The following RAPGEF4 variants were observed in gnomAD, a reference collection of about 807,000 sequenced individuals.
RAPGEF4 encodes the protein Rap guanine nucleotide exchange factor 4, also known as RAP guanine-nucleotide-exchange factor (GEF) 4.
A neutral mutation model predicts 147.9 loss-of-function variants in RAPGEF4; 66 were observed. That is an observed-to-expected ratio of 0.45 (90% confidence interval 0.37 to 0.55). RAPGEF4 has a LOEUF of 0.55. Among genes scored for constraint, RAPGEF4 ranks in the 20% least tolerant of loss-of-function variants. The pLI, the probability that RAPGEF4 is intolerant of heterozygous loss-of-function variation, is 0.00. For missense variants in RAPGEF4, 1,071 were observed against 1,257.3 expected, an observed-to-expected ratio of 0.85 and a Z score of 2.24; for synonymous variants, 419 against 442.7, an observed-to-expected ratio of 0.95 and a Z score of 0.67.
intron 1 of RAPGEF4, among the ~76,000 whole-genome samples, chr2:172,790,691 G>A (rs936618708): frequency 2.0e-5 from 3 of 152,126 alleles, no homozygotes; most frequent in Non-Finnish European, 2.9e-5. Context: ...GCTGATTATT[G>A]GACAGAACCC....
chr2:173,020,755 G>C, intron 23 of RAPGEF4, 40 bp downstream of exon 23: 1 of 1,520,942 alleles, frequency 6.6e-7, no homozygotes, highest in Non-Finnish European at 9.0e-7. Context: ...ATTGCAATCA[G>C]AAAAACTTGT....
intron 6 of RAPGEF4, among the ~76,000 whole-genome samples, chr2:172,938,093 G>T (rs1277162930): frequency 6.6e-6 from 1 of 152,086 alleles, no homozygotes; most frequent in African/African-American, 2.4e-5. Context: ...AAAGAATGGT[G>T]TTAGCAAGAT....
rs985053611 is a variant in RAPGEF4, at chr2:173,019,823, A to G, written c.2156-795A>G. 9.2e-5 allele frequency among the ~76,000 whole-genome samples: 14 copies of G among 152,120 alleles called. 1 individual carries two copies. The East Asian group carries it at 2.3e-3, about 25-fold the overall frequency. On this transcript the variant is annotated intron_variant, in intron 22 of 30. Transcript: ENST00000397081. ...GTGTCTCACTGAAGCTCCCTCCTTC[A>G]TTTGCTTCATTCCCTTTCTAAAATG...
Position 172,996,533 on chromosome 2 carries a change from G to T in RAPGEF4, c.1558G>T (p.Ala520Ser), listed in dbSNP as rs749771603. The T allele has an allele frequency of 2.8e-5, 45 of 1,583,916 alleles. No individual in the cohort carries two copies. The highest frequency in any genetic ancestry group is 3.8e-5 in the Non-Finnish European group (45 of 1,169,640). The change falls in exon 16 of 31, where the codon GCA becomes TCA. Residue 520 changes from alanine (A) to serine (S), a missense_variant. Coordinates refer to ENST00000397081, the MANE Select transcript of RAPGEF4 (RefSeq NM_007023.4). ...TTTTCTAGAAACAATACGCCTTGAGGCAACTTTAAATGAAGCAACAGGTAT... is the reference window on the plus strand; with the variant it reads ...TTTTCTAGAAACAATACGCCTTGAGTCAACTTTAAATGAAGCAACAGGTAT... Reference protein sequence around the residue: ...EHFLETIRLEATLNEATDSVL... With the variant: ...EHFLETIRLESTLNEATDSVL...
At position 173,016,360 on chromosome 2, in the gene RAPGEF4, A is replaced by G. The variant is rs756840657; in HGVS notation, c.1821A>G (p.Val607=). The G allele has an allele frequency of 6.2e-6, 10 of 1,612,920 alleles. No homozygotes were observed. The highest frequency in any genetic ancestry group is 1.1e-5 in the South Asian group (1 of 91,042). The change falls in exon 19 of 31, where the codon GTA becomes GTG. Residue 607 remains valine (V), a synonymous_variant. Coordinates refer to ENST00000397081, the MANE Select transcript of RAPGEF4 (RefSeq NM_007023.4). ...VSMAFLEEFY[V]SVSDDARMIA... The stretch of plus-strand genomic sequence containing the variant: ...TTTGCCAATTACAGGAGTTTTATGT[A>G]TCTGTATCAGATGATGCCCGGATGA...
At chr2:172,929,053 A>G (rs192041845) in intron 6 of RAPGEF4, among the ~76,000 whole-genome samples, 56 of 152,338 alleles carry the variant, frequency 3.7e-4, no homozygotes, top group African/African-American at 1.2e-3. Context: ...TATCGTCATC[A>G]CCAGTTACTT....
chr2:172,788,131 C>T (rs1360842501), intron 1 of RAPGEF4, among the ~76,000 whole-genome samples: 3 of 152,204 alleles, frequency 2.0e-5, no homozygotes, highest in Non-Finnish European at 4.4e-5. Flanking sequence ...TAATCCCATT[C>T]ATGAGGGCTC....
At chr2:172,877,692 A>G (rs1435519713) in intron 4 of RAPGEF4, among the ~76,000 whole-genome samples, 2 of 152,068 alleles carry the variant, frequency 1.3e-5, no homozygotes, top group African/African-American at 4.8e-5. Flanking sequence ...CTCAGATAAA[A>G]GACCCCTTCC....
intron 5 of RAPGEF4, among the ~76,000 whole-genome samples, chr2:172,918,882 A>ACCCTC (rs1308519970): frequency 6.6e-6 from 1 of 150,732 alleles, no homozygotes; most frequent in East Asian, 2.0e-4. Context: ...TAGAATTCCC[A>ACCCTC]CCCTCCCTCG....
chr2:172,833,025 G>A (rs1000887045), intron 4 of RAPGEF4, among the ~76,000 whole-genome samples: 9 of 152,142 alleles, frequency 5.9e-5, no homozygotes, highest in African/African-American at 1.9e-4. Context: ...CCAACATGGC[G>A]AAACGCTGTC....
intron 4 of RAPGEF4, among the ~76,000 whole-genome samples, chr2:172,837,190 T>C (rs1051071553): frequency 1.7e-4 from 26 of 152,138 alleles, no homozygotes; most frequent in African/African-American, 5.8e-4. Context: ...ATTATAAACA[T>C]AAAAATAGCT....
At chr2:173,035,652 C>CCA (rs1385914226) in intron 27 of RAPGEF4, among the ~76,000 whole-genome samples, 6 of 152,146 alleles carry the variant, frequency 3.9e-5, no homozygotes, top group African/African-American at 1.4e-4. Flanking sequence ...CATGCCCAGC[C>CCA]CAAGCATAAC....
At chr2:172,752,683 G>A (rs1014052564) in intron 1 of RAPGEF4, among the ~76,000 whole-genome samples, 4 of 152,174 alleles carry the variant, frequency 2.6e-5, no homozygotes, top group African/African-American at 9.7e-5. Flanking sequence ...AAATAAGGGA[G>A]CCTTCTATTG....
intron 27 of RAPGEF4, 104 bp from the exon 28 acceptor site, chr2:173,036,021 T>C (rs1038269393): frequency 1.2e-6 from 1 of 848,290 alleles, no homozygotes; most frequent in Non-Finnish European, 2.0e-6. Flanking sequence ...TGTTCAAAGG[T>C]CAACTGTACC....
chr2:172,965,642 G>T lies in RAPGEF4; in HGVS notation c.779G>T (p.Gly260Val), dbSNP rs991530565. ...GTTCACTCCCGGACTCAAGCTGTTG[G>T]CATGTGGCAAGTCCTGTTAGAAGAT... ...PCVHSRTQAV[G>V]MWQVLLEDGV... The change falls in exon 9 of 31, where the codon GGC becomes GTC. Residue 260 changes from glycine (G) to valine (V), a missense_variant. Transcript: ENST00000397081. 6.2e-7 allele frequency: 1 copy of T among 1,614,156 alleles called. No homozygotes were observed. Among genetic ancestry groups the T allele is most frequent in the Non-Finnish European group, 8.5e-7 (1 of 1,180,022 alleles).
At chr2:172,779,430 G>C (rs575605754) in intron 1 of RAPGEF4, among the ~76,000 whole-genome samples, 1 of 152,284 alleles carries the variant, frequency 6.6e-6, no homozygotes, top group Non-Finnish European at 1.5e-5. Flanking sequence ...ATCCCTGGCA[G>C]AAGGAATAGT....
intron 4 of RAPGEF4, among the ~76,000 whole-genome samples, chr2:172,850,951 C>T (rs1692747990): frequency 6.6e-6 from 1 of 152,052 alleles, no homozygotes; most frequent in Non-Finnish European, 1.5e-5. Flanking sequence ...TTCAGTTCAG[C>T]CCTGATTTTG....
At chr2:173,005,531 T>TG (rs1694375306) in intron 17 of RAPGEF4, among the ~76,000 whole-genome samples, 2 of 139,348 alleles carry the variant, frequency 1.4e-5, no homozygotes, top group East Asian at 4.1e-4. Context: ...TTTTTTTTTT[T>TG]TTTTTTTTTT....
intron 11 of RAPGEF4, among the ~76,000 whole-genome samples, chr2:172,984,781 G>T (rs1692065636): frequency 6.6e-6 from 1 of 152,154 alleles, no homozygotes; most frequent in Non-Finnish European, 1.5e-5. Flanking sequence ...GACTTCCCTG[G>T]TCTCAGTGGA....
Sources: allele counts gnomAD v4.1 joint callset (sites outside exome capture counted in the v4.1 genomes callset), GRCh38; gene constraint gnomAD v4.1.1; transcripts MANE v1.5; gene names NCBI Gene and HGNC (gene_info 2026-07-23, HGNC 2026-07-21).